GABBR2: variants seen among roughly 807,000 people sequenced by gnomAD.
GABBR2 encodes gamma-aminobutyric acid type B receptor subunit 2.
GABBR2 carries 23 observed loss-of-function variants against 105.6 expected under a neutral mutation model. The ratio of observed to expected loss-of-function variants is 0.22; its 90% CI spans 0.16 to 0.31. The LOEUF is 0.31. GABBR2 is among the 10% of genes least tolerant of loss of function. The probability of loss-of-function intolerance (pLI) is 1.00; values close to 1 mark genes in which losing one functional copy is unlikely to be tolerated. For synonymous variants in GABBR2, 478 were observed against 499.7 expected (o/e 0.96, Z 0.58); for missense variants, 734 against 1,245.5 (o/e 0.59, Z 6.18).
chr9:98,324,146 C>T (rs1394671191), intron 13 of GABBR2, among the ~76,000 whole-genome samples: 4 of 152,274 alleles, frequency 2.6e-5, no homozygotes, highest in East Asian at 1.9e-4. Context: ...AGGGCCCTGT[C>T]GGTTTTTCAT....
At chr9:98,690,601 C>T (rs903304663) in intron 1 of GABBR2, among the ~76,000 whole-genome samples, 3 of 152,134 alleles carry the variant, frequency 2.0e-5, no homozygotes, top group Non-Finnish European at 4.4e-5. Context: ...AGAAGGAAAG[C>T]CATTCTGCAT....
chr9:98,444,786 G>A (rs1003742817), intron 7 of GABBR2, among the ~76,000 whole-genome samples: 1 of 152,212 alleles, frequency 6.6e-6, no homozygotes, highest in African/African-American at 2.4e-5. Context: ...GAGATTGAGA[G>A]GGGAGTAAGG....
At chr9:98,558,697 T>C (rs1828624228) in intron 2 of GABBR2, among the ~76,000 whole-genome samples, 1 of 152,120 alleles carries the variant, frequency 6.6e-6, no homozygotes, top group Non-Finnish European at 1.5e-5. Context: ...CCACAGCCAC[T>C]CAAACCCTCC....
At chr9:98,634,634 T>G (rs1829854875) in intron 1 of GABBR2, among the ~76,000 whole-genome samples, 2 of 152,266 alleles carry the variant, frequency 1.3e-5, no homozygotes, top group African/African-American at 4.8e-5. Flanking sequence ...GCTGACACCT[T>G]AATTTTGGAC....
chr9:98,512,937 C>T (rs543915387), intron 3 of GABBR2, among the ~76,000 whole-genome samples: 29 of 151,960 alleles, frequency 1.9e-4, no homozygotes, highest in East Asian at 1.4e-3. Context: ...AAAAAGAGCC[C>T]GCATCACCAA....
At chr9:98,681,150 T>C (rs1041093499) in intron 1 of GABBR2, among the ~76,000 whole-genome samples, 2 of 147,998 alleles carry the variant, frequency 1.4e-5, no homozygotes, top group African/African-American at 5.1e-5. Flanking sequence ...CACGTATGTT[T>C]ATTGCGGCAT....
At chr9:98,355,046 C>T (rs1831461625) in intron 13 of GABBR2, among the ~76,000 whole-genome samples, 1 of 151,826 alleles carries the variant, frequency 6.6e-6, no homozygotes, top group African/African-American at 2.4e-5. Flanking sequence ...ATTAACTGAC[C>T]TAACTTCAAT....
At chr9:98,642,486 T>C (rs1397418642) in intron 1 of GABBR2, among the ~76,000 whole-genome samples, 6 of 152,236 alleles carry the variant, frequency 3.9e-5, no homozygotes, top group Non-Finnish European at 8.8e-5. Flanking sequence ...AAGCCTGCAA[T>C]GGAGTCAAGT....
At chr9:98,458,951 G>A (rs1218259788) in intron 6 of GABBR2, among the ~76,000 whole-genome samples, 2 of 152,164 alleles carry the variant, frequency 1.3e-5, no homozygotes, top group East Asian at 1.9e-4. Context: ...GTATTGGGAA[G>A]CTCACTATGC....
At chr9:98,354,523 T>C (rs923178866) in intron 13 of GABBR2, among the ~76,000 whole-genome samples, 5 of 152,274 alleles carry the variant, frequency 3.3e-5, no homozygotes, top group African/African-American at 1.2e-4. Context: ...ATCTTCTAGA[T>C]AACTTTCTGT....
chr9:98,668,155 C>T (rs578068118), intron 1 of GABBR2, among the ~76,000 whole-genome samples: 2 of 152,218 alleles, frequency 1.3e-5, no homozygotes, highest in Admixed American at 1.3e-4. Context: ...CGTCCGTCCT[C>T]TTTTGGCCAC....
intron 1 of GABBR2, among the ~76,000 whole-genome samples, chr9:98,627,770 G>A (rs1829760794): frequency 6.6e-6 from 1 of 152,206 alleles, no homozygotes; most frequent in African/African-American, 2.4e-5. Flanking sequence ...AATGACAAAA[G>A]GCAGAAACCA....
intron 7 of GABBR2, among the ~76,000 whole-genome samples, chr9:98,418,528 C>T (rs1014682512): frequency 7.2e-6 from 1 of 137,954 alleles, no homozygotes; most frequent in Admixed American, 7.7e-5. Context: ...GAGTGAGACC[C>T]TGTCTCAAAC....
At chr9:98,564,140 G>A (rs1564115807) in intron 2 of GABBR2, among the ~76,000 whole-genome samples, 2 of 152,174 alleles carry the variant, frequency 1.3e-5, no homozygotes, top group Non-Finnish European at 1.5e-5. Context: ...GGAGAACACA[G>A]CCTGTGTCAG....
chr9:98,493,269 A>T (rs1827214806), intron 4 of GABBR2, among the ~76,000 whole-genome samples: 1 of 152,188 alleles, frequency 6.6e-6, no homozygotes, highest in Admixed American at 6.5e-5. Flanking sequence ...AATACTCCAG[A>T]ATCATCTTGT....
chr9:98,627,669 G>T (rs1414390191), intron 1 of GABBR2, among the ~76,000 whole-genome samples: 1 of 152,214 alleles, frequency 6.6e-6, no homozygotes, highest in Non-Finnish European at 1.5e-5. Context: ...CACCCATCAG[G>T]GCGTTCTGAA....
chr9:98,453,972 G>A lies in GABBR2; in HGVS notation c.1236+9C>T. 1.3e-6 allele frequency: 2 copies of A among 1,585,906 alleles called. No individual in the cohort carries two copies. The highest frequency in any genetic ancestry group is 1.7e-6 in the Non-Finnish European group (2 of 1,154,268). On this transcript the variant is annotated intron_variant, in intron 7 of 18. Coordinates refer to ENST00000259455, the MANE Select transcript of GABBR2 (RefSeq NM_005458.8). The stretch of plus-strand genomic sequence containing the variant: ...ACTAAGGAAAACAGCCCAGAGGCAT[G>A]GGACTGACCGTGACCCCGAAGAAGT...
intron 1 of GABBR2, among the ~76,000 whole-genome samples, chr9:98,620,660 T>C (rs1053789587): frequency 6.6e-6 from 1 of 152,158 alleles, no homozygotes; most frequent in African/African-American, 2.4e-5. Context: ...AGGTTTTGAA[T>C]CTTCTTTGAG....
At chr9:98,451,566 A>C (rs1473253408) in intron 7 of GABBR2, among the ~76,000 whole-genome samples, 1 of 152,160 alleles carries the variant, frequency 6.6e-6, no homozygotes, top group African/African-American at 2.4e-5. Flanking sequence ...CCTGGTGTGC[A>C]TTAGAACCAC....
Sources: allele counts gnomAD v4.1 joint callset (sites outside exome capture counted in the v4.1 genomes callset), GRCh38; gene constraint gnomAD v4.1.1; transcripts MANE v1.5; gene names NCBI Gene and HGNC (gene_info 2026-07-23, HGNC 2026-07-21).